KMT2C: variants seen among roughly 807,000 people sequenced by gnomAD.
KMT2C encodes lysine methyltransferase 2C, also known as histone-lysine N-methyltransferase 2C.
In KMT2C, 88 loss-of-function variants were observed where a neutral mutation model predicts 507.9. The observed-to-expected ratio is 0.17, with a 90% CI of 0.15 to 0.21. KMT2C has a LOEUF of 0.21. Among genes scored for constraint, KMT2C ranks in the 10% least tolerant of loss-of-function variants. KMT2C has a pLI of 1.00. For missense variants in KMT2C, 4,954 were observed against 5,957.8 expected (o/e 0.83, Z 5.55); for synonymous variants, 2,049 against 2,080.8 (o/e 0.98, Z 0.42).
intron 2 of KMT2C, among the ~76,000 whole-genome samples, chr7:152,331,275 A>G (rs1359588789): frequency 6.6e-6 from 1 of 151,498 alleles, no homozygotes. Flanking sequence ...GTGCCACTGT[A>G]CTCAGGCCTA....
chr7:152,140,456 C>T (rs2090411532), intron 55 of KMT2C, among the ~76,000 whole-genome samples: 1 of 152,182 alleles, frequency 6.6e-6, no homozygotes, highest in African/African-American at 2.4e-5. Flanking sequence ...GGTGGCCTGC[C>T]AGGTGCACTA....
chr7:152,179,371 T>C (rs996411781), intron 37 of KMT2C, among the ~76,000 whole-genome samples: 2 of 152,234 alleles, frequency 1.3e-5, no homozygotes. Context: ...CGTAGGAGGC[T>C]TTGCCTACGC....
chr7:152,304,973 T>C (rs1296781730), intron 6 of KMT2C, among the ~76,000 whole-genome samples: 8 of 152,226 alleles, frequency 5.3e-5, no homozygotes, highest in African/African-American at 1.9e-4. Context: ...TCTGTAGAAC[T>C]GTAAAGATTT....
At chr7:152,365,122 C>A (rs181591488) in intron 1 of KMT2C, among the ~76,000 whole-genome samples, 1 of 152,046 alleles carries the variant, frequency 6.6e-6, no homozygotes, top group Non-Finnish European at 1.5e-5. Flanking sequence ...AGCCAGAAGA[C>A]AGTAAAAAAC....
chr7:152,291,488 A>G (rs2096426513), intron 6 of KMT2C, among the ~76,000 whole-genome samples: 1 of 152,410 alleles, frequency 6.6e-6, no homozygotes, highest in Admixed American at 6.5e-5. Context: ...AATTTGTCCA[A>G]CTCAAGTCTT....
At chr7:152,333,948 G>C (rs2096908086) in intron 2 of KMT2C, among the ~76,000 whole-genome samples, 2 of 151,906 alleles carry the variant, frequency 1.3e-5, no homozygotes, top group South Asian at 4.2e-4. Context: ...AAAGTATCTA[G>C]AATCAAATCT....
At position 152,175,150 on chromosome 7, in the gene KMT2C, A is replaced by ATTT. The variant is rs58064231; in HGVS notation, c.9263-911_9263-909dup. ...GAATCTAAAACTCTTCGTTGTTTTC[A>ATTT]TTTTTTTTTTTTTGAGACAGAGTCT... On this transcript the variant is annotated intron_variant, in intron 38 of 58. Coordinates refer to ENST00000262189, the MANE Select transcript of KMT2C (RefSeq NM_170606.3). Among the ~76,000 whole-genome samples the ATTT allele has an allele frequency of 2.1e-4, 31 of 145,522 alleles. No homozygotes were observed. The East Asian group carries it at 2.4e-3, about 11-fold the overall frequency.
intron 6 of KMT2C, among the ~76,000 whole-genome samples, chr7:152,276,088 C>A (rs1173952381): frequency 1.3e-5 from 2 of 152,090 alleles, no homozygotes; most frequent in South Asian, 2.1e-4. Context: ...ATCTAACATA[C>A]TAATTTACAA....
intron 1 of KMT2C, among the ~76,000 whole-genome samples, chr7:152,364,135 A>C (rs1225312433): frequency 6.6e-6 from 1 of 152,242 alleles, no homozygotes; most frequent in East Asian, 1.9e-4. Context: ...GAAAAAAATA[A>C]ATAAGTCTCA....
chr7:152,250,881 C>T lies in KMT2C; in HGVS notation c.1707G>A (p.Gln569=). The T allele has an allele frequency of 6.2e-7, 1 of 1,605,524 alleles. No individual in the cohort carries two copies. Among genetic ancestry groups the T allele is most frequent in the South Asian group, 1.1e-5 (1 of 90,882 alleles). Residue 569 remains glutamine, a synonymous_variant, in exon 12 of 59, where the codon CAG becomes CAA. Transcript: ENST00000262189. ...EQAANKDVNG[Q]ESTPGIVPDA... is the part of the protein sequence containing the mutation. ...CTGGAACAATTCCAGGAGTGGACTC[C>T]TGACCGTTGACATCTTTATTAGCTG... is the stretch of plus-strand genomic sequence containing the variant.
At chr7:152,356,889 C>T (rs999835814) in intron 2 of KMT2C, among the ~76,000 whole-genome samples, 3 of 120,874 alleles carry the variant, frequency 2.5e-5, no homozygotes, top group Admixed American at 9.3e-5. Flanking sequence ...GAGACTCCAA[C>T]TCAAAAAGAA....
rs1192166176 is a variant in KMT2C at position 152,136,504 on chromosome 7, A to C, written c.*328T>G. 6.6e-6 allele frequency: 2 copies of C among 302,394 alleles called. No individual in the cohort carries two copies. The highest frequency in any genetic ancestry group is 4.3e-5 in the African/African-American group (2 of 46,388). The allele number at this position is 302,394 out of a possible 1,614,324, so 18.7% of individuals were successfully genotyped here. Reference sequence around the variant, plus strand: ...AAAGTTTCTCCTTAGTGAGACTAGAAAACCAAAACAATGAAACCCACCCAC... The same window carrying C: ...AAAGTTTCTCCTTAGTGAGACTAGACAACCAAAACAATGAAACCCACCCAC... On this transcript the variant is annotated 3_prime_UTR_variant, in exon 59 of 59. Coordinates refer to ENST00000262189, the MANE Select transcript of KMT2C (RefSeq NM_170606.3).
At chr7:152,180,399 C>G (rs549965319) in intron 36 of KMT2C, among the ~76,000 whole-genome samples, 2 of 152,270 alleles carry the variant, frequency 1.3e-5, no homozygotes, top group Non-Finnish European at 2.9e-5. Context: ...ATACCAGTTA[C>G]ATTTAACTAT....
At position 152,182,102 on chromosome 7, in the gene KMT2C, C is replaced by T. The variant is rs778087669; in HGVS notation, c.5758G>A (p.Ala1920Thr). 17 of 1,614,080 alleles carry T rather than the reference C, an allele frequency of 1.1e-5. No homozygotes were observed. Among genetic ancestry groups the T allele is most frequent in the Non-Finnish European group, 1.4e-5 (16 of 1,180,032 alleles). The change falls in exon 36 of 59, where the codon GCT (alanine) becomes ACT (threonine). Residue 1920 changes from alanine (A) to threonine (T), a missense_variant. This residue lies in a region of KMT2C where 1,689 missense variants were observed against 1,654.3 expected (regional missense o/e 1.02). Transcript: ENST00000262189. ...VGHSFSRRNS[A>T]APVENCTPLS... The stretch of plus-strand genomic sequence containing the variant: ...GGTGTACAGTTTTCCACTGGTGCAG[C>T]AGAATTTCTTCTGGAAAAACTATGG...
Position 152,163,729 on chromosome 7 carries a change from C to A in KMT2C, c.9848G>T (p.Ser3283Ile). 6.2e-7 allele frequency: 1 copy of A among 1,614,182 alleles called. No homozygotes were observed. The highest frequency in any genetic ancestry group is 8.5e-7 in the Non-Finnish European group (1 of 1,180,026). Residue 3283 changes from serine (S) to isoleucine (I), a missense_variant, in exon 43 of 59, where the codon AGT (serine) becomes ATT (isoleucine). Ser to Ile is a moderately radical substitution (Grantham distance 142, BLOSUM62 -2). Around this residue, in one of 29 missense-constraint regions of KMT2C, gnomAD observed 801 missense variants for 751.2 expected, o/e 1.07. Coordinates refer to ENST00000262189, the MANE Select transcript of KMT2C (RefSeq NM_170606.3). ...CAMAPPTMMP[S>I]VQPQPPLIPG... ...AATTAGGGGTGGCTGGGGCTGGACA[C>A]TGGGCATCATGGTAGGTGGGGCCAT...
chr7:152,316,354 T>C (rs1297541555), intron 3 of KMT2C, among the ~76,000 whole-genome samples: 2 of 151,964 alleles, frequency 1.3e-5, no homozygotes, highest in Admixed American at 6.6e-5. Flanking sequence ...GGGGTAGAGG[T>C]GGGAGAATGA....
At chr7:152,394,816 T>C (rs577768870) in intron 1 of KMT2C, among the ~76,000 whole-genome samples, 2 of 152,308 alleles carry the variant, frequency 1.3e-5, no homozygotes, top group South Asian at 2.1e-4. Context: ...AGTGAATTAA[T>C]TTAGCAACTA....
At chr7:152,302,548 C>G (rs1265496296) in intron 6 of KMT2C, among the ~76,000 whole-genome samples, 1 of 151,846 alleles carries the variant, frequency 6.6e-6, no homozygotes, top group Non-Finnish European at 1.5e-5. Flanking sequence ...GTTAAGAAAA[C>G]AGAAATATAC....
chr7:152,396,936 A>C lies in KMT2C; in HGVS notation c.162-38261T>G, dbSNP rs115114555. Among the ~76,000 whole-genome samples the C allele has an allele frequency of 8.6e-3, 1,311 of 152,330 alleles. 21 individuals carry two copies. The highest frequency in any genetic ancestry group is 0.03 in the African/African-American group (1,264 of 41,568). ...ATATGTCCACACGTACAAATACACAAGTACAAGGATATTCCTTACAAAGAT... is the reference window on the plus strand; with the variant it reads ...ATATGTCCACACGTACAAATACACACGTACAAGGATATTCCTTACAAAGAT... On this transcript the variant is annotated intron_variant, in intron 1 of 58. Transcript: ENST00000262189.
Sources: gnomAD v4.1 joint callset for allele counts (sites outside exome capture counted in the v4.1 genomes callset) on GRCh38, gnomAD v4.1.1 for gene constraint, gnomAD v4.1.1 regional missense constraint, MANE v1.5 for transcripts, NCBI Gene and HGNC (gene_info 2026-07-23, HGNC 2026-07-21) for gene names.